Variants in THBS4 observed in about 807,000 individuals in gnomAD.
The protein encoded by THBS4 is thrombospondin 4.
A neutral mutation model predicts 115.7 loss-of-function variants in THBS4; 90 were observed. The observed-to-expected ratio is 0.78, with a 90% CI of 0.66 to 0.93. The LOEUF is 0.93. THBS4 is among the 40% of genes least tolerant of loss of function. THBS4 has a pLI of 0.00. For missense variants in THBS4, 1,087 were observed against 1,232.7 expected (o/e 0.88, Z 1.77); for synonymous variants, 460 against 479.3 (o/e 0.96, Z 0.53).
intron 2 of THBS4, among the ~76,000 whole-genome samples, chr5:79,998,627 C>T (rs1831842864): frequency 6.6e-6 from 1 of 152,166 alleles, no homozygotes; most frequent in Non-Finnish European, 1.5e-5. Flanking sequence ...ATTTTAATAT[C>T]GTACAATAGT....
intron 2 of THBS4, among the ~76,000 whole-genome samples, chr5:80,049,334 A>G (rs1356950754): frequency 6.6e-6 from 1 of 152,196 alleles, no homozygotes; most frequent in Non-Finnish European, 1.5e-5. Flanking sequence ...AAGCATGGAA[A>G]TGTAGCTCTT....
Position 80,080,579 on chromosome 5 carries a change from C to CTT in THBS4, c.2684+526_2684+527dup, listed in dbSNP as rs67048630. Among the ~76,000 whole-genome samples the CTT allele has an allele frequency of 3.8e-3, 191 of 50,466 alleles. 11 individuals carry two copies. The highest frequency in any genetic ancestry group is 7.6e-3 in the East Asian group (8 of 1,050). 33.1% of individuals were successfully genotyped at this position (50,466 alleles called of 152,430 possible). A position where few individuals can be genotyped will look rare whatever the true frequency, so the allele number is the denominator to read the frequency against. On this transcript the variant is annotated intron_variant, in intron 20 of 21. Transcript: ENST00000350881. ...AACTGCATGAGAGCAGCGCTTGTAT[C>CTT]TTTTTTTTTTTTTTTTTTTTTTTTT... is the stretch of plus-strand genomic sequence containing the variant.
intron 15 of THBS4, among the ~76,000 whole-genome samples, chr5:80,073,767 T>C (rs1164237718): frequency 2.0e-5 from 3 of 152,180 alleles, no homozygotes; most frequent in Admixed American, 2.0e-4. Flanking sequence ...GGTGGGATAA[T>C]AGCCCTGCCT....
upstream of THBS4, chr5:80,035,338 C>A (rs1026728810): frequency 2.2e-5 from 4 of 179,182 alleles, no homozygotes; most frequent in Non-Finnish European, 4.6e-5. This position sits in a 1 kb window ranked among gnomAD's most constrained non-coding sequence, Gnocchi z 4.6. Context: ...CGGCCGCTGC[C>A]GCGGAGCCCA....
At position 80,082,560 on chromosome 5, in the gene THBS4, C is replaced by T; in HGVS notation, c.2824+15C>T. The stretch of plus-strand genomic sequence containing the variant: ...TCGCTGCAATGGTAATGTGCATTCT[C>T]GTTACTGTTCAACATTGTTACTAGA... On this transcript the variant is annotated intron_variant, in intron 21 of 21. Coordinates refer to ENST00000350881, the MANE Select transcript of THBS4 (RefSeq NM_003248.6). The T allele has an allele frequency of 2.5e-6, 4 of 1,613,756 alleles. No individual in the cohort carries two copies. Among genetic ancestry groups the T allele is most frequent in the Non-Finnish European group, 3.4e-6 (4 of 1,179,780 alleles).
chr5:80,072,122 C>T (rs558487016), intron 13 of THBS4, 156 bp from the exon 14 acceptor site: 50 of 680,936 alleles, frequency 7.3e-5, no homozygotes, highest in African/African-American at 6.4e-4. Context: ...TCCCAGAATC[C>T]GTCCTTTGAA....
At chr5:80,025,422 C>T (rs989006195) in intron 2 of THBS4, among the ~76,000 whole-genome samples, 9 of 152,192 alleles carry the variant, frequency 5.9e-5, no homozygotes, top group African/African-American at 2.2e-4. Context: ...ATTGGATACA[C>T]AGACAGTGTT....
At chr5:80,014,840 A>C (rs1166849847) in intron 2 of THBS4, among the ~76,000 whole-genome samples, 1 of 152,254 alleles carries the variant, frequency 6.6e-6, no homozygotes, top group Admixed American at 6.5e-5. Flanking sequence ...CCGGACCAGC[A>C]GTCTGGAGAA....
chr5:80,070,426 T>A lies in THBS4; in HGVS notation c.1452+16T>A, dbSNP rs256438. ...CTGTAAAAAGGTAAGGGGTGTGGGG[T>A]GGCAGTAGGCACACATGCACTGTGG... is the stretch of plus-strand genomic sequence containing the variant. On this transcript the variant is annotated intron_variant, in intron 11 of 21. Coordinates refer to ENST00000350881, the MANE Select transcript of THBS4 (RefSeq NM_003248.6). 1 of 1,610,748 alleles carries A rather than the reference T, an allele frequency of 6.2e-7. No individual in the cohort carries two copies. Among genetic ancestry groups the A allele is most frequent in the South Asian group, 1.1e-5 (1 of 90,980 alleles).
At chr5:80,022,396 T>C (rs1832395443) in intron 2 of THBS4, among the ~76,000 whole-genome samples, 1 of 152,214 alleles carries the variant, frequency 6.6e-6, no homozygotes. Flanking sequence ...TAAATTGCAA[T>C]CACTTTTCTT....
At chr5:80,030,598 A>T (rs1205811236), upstream of THBS4, among the ~76,000 whole-genome samples, 1 of 152,092 alleles carries the variant, frequency 6.6e-6, no homozygotes, top group Non-Finnish European at 1.5e-5. Context: ...CGAACTCCTG[A>T]CCTTGTGATC....
intron 2 of THBS4, among the ~76,000 whole-genome samples, chr5:80,021,463 A>G (rs894077026): frequency 2.0e-5 from 3 of 152,078 alleles, no homozygotes; most frequent in African/African-American, 7.2e-5. Flanking sequence ...ACATACACAC[A>G]TATGTATAGG....
At chr5:80,073,216 C>G (rs1742987731) in intron 14 of THBS4, 59 bp from the exon 15 acceptor site, 1 of 1,568,470 alleles carries the variant, frequency 6.4e-7, no homozygotes, top group Admixed American at 1.7e-5. Flanking sequence ...TCTGCCTTCT[C>G]TGGAACATTC....
At chr5:80,077,430 T>C (rs1264741423) in intron 16 of THBS4, among the ~76,000 whole-genome samples, 3 of 152,140 alleles carry the variant, frequency 2.0e-5, no homozygotes, top group African/African-American at 7.2e-5. Context: ...AATGGCACAG[T>C]AGAAGTGGTA....
upstream of THBS4, chr5:80,035,260 C>T (rs1210569494): frequency 1.3e-5 from 2 of 155,804 alleles, no homozygotes; most frequent in South Asian, 2.0e-4. This position sits in a 1 kb window ranked among gnomAD's most constrained non-coding sequence, Gnocchi z 4.6. Flanking sequence ...CTTCCCAGGA[C>T]AGGGGATCCC....
At chr5:80,059,669 G>A in intron 6 of THBS4, 34 bp from the exon 7 acceptor site, 1 of 1,609,126 alleles carries the variant, frequency 6.2e-7, no homozygotes. Context: ...CTTCCTGGCG[G>A]TGAATACGCC....
At chr5:80,002,745 GA>G (rs56899578) in intron 2 of THBS4, among the ~76,000 whole-genome samples, 28,516 of 100,044 alleles carry the variant, frequency 0.29, 2,871 homozygotes, top group East Asian at 0.32. Context: ...CCAGAAGGGA[GA>G]AAAAAAAAAA....
intron 2 of THBS4, among the ~76,000 whole-genome samples, chr5:80,016,633 T>C (rs1832256284): frequency 6.6e-6 from 1 of 152,210 alleles, no homozygotes; most frequent in African/African-American, 2.4e-5. Flanking sequence ...ACACATATTA[T>C]TGTATTTAGG....
At chr5:80,012,668 GC>G (rs1469447543) in intron 2 of THBS4, among the ~76,000 whole-genome samples, 1 of 152,106 alleles carries the variant, frequency 6.6e-6, no homozygotes, top group African/African-American at 2.4e-5. Context: ...GGCTCTCTTT[GC>G]CTTGGCTTCC....
Sources: gnomAD v4.1 joint callset for allele counts (sites outside exome capture counted in the v4.1 genomes callset) on GRCh38, gnomAD v4.1.1 for gene constraint, Gnocchi (gnomAD v3.1) non-coding constraint, MANE v1.5 for transcripts, NCBI Gene and HGNC (gene_info 2026-07-23, HGNC 2026-07-21) for gene names.